PLCXD3: variants seen among roughly 807,000 people sequenced by gnomAD.
The protein encoded by PLCXD3 is phosphatidylinositol specific phospholipase C X domain containing 3.
Under a neutral mutation model 25.5 loss-of-function variants are expected in PLCXD3, and 19 were observed. The ratio of observed to expected loss-of-function variants is 0.75; its 90% CI spans 0.52 to 1.09. The LOEUF (loss-of-function observed/expected upper bound fraction) is 1.09. Ranked by LOEUF, PLCXD3 falls within the 50% of genes least tolerant of loss-of-function variation. PLCXD3 has a pLI of 0.00. For synonymous variants in PLCXD3, 174 were observed against 137.6 expected, an observed-to-expected ratio of 1.26 and a Z score of -1.85; for missense variants, 411 against 388.1, an observed-to-expected ratio of 1.06 and a Z score of -0.50.
intron 1 of PLCXD3, among the ~76,000 whole-genome samples, chr5:41,482,194 G>A (rs564035501): frequency 6.6e-6 from 1 of 152,134 alleles, no homozygotes; most frequent in East Asian, 1.9e-4. Context: ...CCTAACATTA[G>A]AATGGAAATG....
Position 41,311,595 on chromosome 5 carries a change from T to C in PLCXD3, c.*2022A>G, listed in dbSNP as rs1743137540. 1.3e-5 allele frequency: 2 copies of C among 152,278 alleles called. No homozygotes were observed. Among genetic ancestry groups the C allele is most frequent in the South Asian group, 4.1e-4 (2 of 4,830 alleles). The allele number at this position is 152,278 out of a possible 1,614,324, so 9.4% of individuals were successfully genotyped here. Reference sequence around the variant, plus strand: ...CAGGAATGGGCATATGTTTGTATATTGTATATGGCAAGATGTATACACACA... The same window carrying C: ...CAGGAATGGGCATATGTTTGTATATCGTATATGGCAAGATGTATACACACA... On this transcript the variant is annotated 3_prime_UTR_variant, in exon 3 of 3. Transcript: ENST00000377801.
At chr5:41,430,015 A>C (rs771763075) in intron 1 of PLCXD3, among the ~76,000 whole-genome samples, 14 of 152,194 alleles carry the variant, frequency 9.2e-5, no homozygotes, top group Non-Finnish European at 1.3e-4. Context: ...CAAGTTACCA[A>C]GGCATCTCCC....
rs544060482 is a variant in PLCXD3, at chr5:41,495,067, G to T, written c.103+15357C>A. 2.6e-5 allele frequency among the ~76,000 whole-genome samples: 4 copies of T among 152,366 alleles called. No homozygotes were observed. In the South Asian group the frequency reaches 8.3e-4, roughly 32 times the overall value. On this transcript the variant is annotated intron_variant, in intron 1 of 2. Coordinates refer to ENST00000377801, the MANE Select transcript of PLCXD3 (RefSeq NM_001005473.3). Reference sequence around the variant, plus strand: ...CCTCTATGATAAATCCTGCACTCCAGATGAGCAAGAAATGTGCCACATCAA... The same window carrying T: ...CCTCTATGATAAATCCTGCACTCCATATGAGCAAGAAATGTGCCACATCAA...
intron 2 of PLCXD3, among the ~76,000 whole-genome samples, chr5:41,362,488 TAAG>T (rs1030019886): frequency 6.6e-6 from 1 of 152,164 alleles, no homozygotes; most frequent in African/African-American, 2.4e-5. Context: ...AGGACTGAAA[TAAG>T]AACATAAATA....
At chr5:41,354,033 T>A (rs576156088) in intron 2 of PLCXD3, among the ~76,000 whole-genome samples, 1,600 of 152,326 alleles carry the variant, frequency 0.011, 42 homozygotes, top group African/African-American at 0.036. Context: ...GACTTTTTTC[T>A]ATTTTCTTCC....
At chr5:41,384,371 G>C (rs1313660937) in intron 1 of PLCXD3, among the ~76,000 whole-genome samples, 2 of 152,026 alleles carry the variant, frequency 1.3e-5, no homozygotes, top group African/African-American at 4.8e-5. Context: ...TGTGTCTACA[G>C]ATAGAAATGA....
intron 1 of PLCXD3, among the ~76,000 whole-genome samples, chr5:41,477,361 G>T (rs1748303836): frequency 6.6e-6 from 1 of 152,080 alleles, no homozygotes; most frequent in South Asian, 2.1e-4. Context: ...TGGTACAAAA[G>T]AAAGTAATCA....
intron 1 of PLCXD3, among the ~76,000 whole-genome samples, chr5:41,497,122 C>T (rs889954384): frequency 6.8e-6 from 1 of 147,450 alleles, no homozygotes; most frequent in Non-Finnish European, 1.5e-5. Flanking sequence ...ATCAATAAAC[C>T]CAAATAAAGA....
At position 41,417,268 on chromosome 5, in the gene PLCXD3, G is replaced by T. The variant is rs10044440; in HGVS notation, c.104-34734C>A. ...ACTTTGGCTACTATCCTGGAGGAAG[G>T]TTCCATTGCTGAAGTCTACATTACA... On this transcript the variant is annotated intron_variant, in intron 1 of 2. Coordinates refer to ENST00000377801, the MANE Select transcript of PLCXD3 (RefSeq NM_001005473.3). Among the ~76,000 whole-genome samples, 475 of 151,980 alleles carry T rather than the reference G, an allele frequency of 3.1e-3. 2 individuals carry two copies. The highest frequency in any genetic ancestry group is 8.8e-3 in the African/African-American group (365 of 41,408).
At chr5:41,314,890 G>C (rs1207442066) in intron 2 of PLCXD3, among the ~76,000 whole-genome samples, 14 of 152,168 alleles carry the variant, frequency 9.2e-5, no homozygotes, top group Non-Finnish European at 2.1e-4. Flanking sequence ...TGAGATCATA[G>C]TGGAGAGTCA....
intron 2 of PLCXD3, among the ~76,000 whole-genome samples, chr5:41,362,528 A>G (rs1298314986): frequency 6.6e-6 from 1 of 152,242 alleles, no homozygotes; most frequent in Non-Finnish European, 1.5e-5. Context: ...CATGCAAAAA[A>G]TATTAGTTCT....
Position 41,312,216 on chromosome 5 carries a change from T to A in PLCXD3, c.*1401A>T, listed in dbSNP as rs1580290275. On this transcript the variant is annotated 3_prime_UTR_variant, in exon 3 of 3. Transcript: ENST00000377801. The stretch of plus-strand genomic sequence containing the variant: ...CTATTAAACGTTAGGTTGCAGAAAC[T>A]TTGTGTGAAACTTTTGCCTCTGCCT... 2 of 152,676 alleles carry A rather than the reference T, an allele frequency of 1.3e-5. No individual in the cohort carries two copies. The highest frequency in any genetic ancestry group is 3.9e-4 in the East Asian group (2 of 5,164). The allele number at this position is 152,676 out of a possible 1,614,324, so 9.5% of individuals were successfully genotyped here. A position where few individuals can be genotyped will look rare whatever the true frequency, so the allele number is the denominator to read the frequency against.
rs150521814 is a variant in PLCXD3 at position 41,499,219 on chromosome 5, C to A, written c.103+11205G>T. On this transcript the variant is annotated intron_variant, in intron 1 of 2. Transcript: ENST00000377801. Reference sequence around the variant, plus strand: ...ATAGAAAAGGAAGTAGCAAAATTATCTCTGTAGATAACATTTTATATGTAA... The same window carrying A: ...ATAGAAAAGGAAGTAGCAAAATTATATCTGTAGATAACATTTTATATGTAA... Among the ~76,000 whole-genome samples, 889 of 151,472 alleles carry A rather than the reference C, an allele frequency of 5.9e-3. 10 individuals carry two copies. The highest frequency in any genetic ancestry group is 0.02 in the African/African-American group (836 of 41,448).
chr5:41,504,347 G>A (rs972179862), intron 1 of PLCXD3, among the ~76,000 whole-genome samples: 6 of 152,132 alleles, frequency 3.9e-5, no homozygotes, highest in African/African-American at 1.4e-4. Context: ...CAGAGTATAG[G>A]ATAAAATTTG....
chr5:41,408,193 T>C (rs1256448541), intron 1 of PLCXD3, among the ~76,000 whole-genome samples: 1 of 152,184 alleles, frequency 6.6e-6, no homozygotes, highest in African/African-American at 2.4e-5. Context: ...TTTTTAAAGA[T>C]TATCAGCAGG....
At position 41,382,413 on chromosome 5, in the gene PLCXD3, T is replaced by C; in HGVS notation, c.225A>G (p.Lys75=). 1 of 1,613,498 alleles carries C rather than the reference T, an allele frequency of 6.2e-7. No homozygotes were observed. The highest frequency in any genetic ancestry group is 8.5e-7 in the Non-Finnish European group (1 of 1,179,704). Residue 75 remains lysine (K), a synonymous_variant, in exon 2 of 3, where the codon AAA becomes AAG. Coordinates refer to ENST00000377801, the MANE Select transcript of PLCXD3 (RefSeq NM_001005473.3). Reference sequence around the variant, plus strand: ...AATTCATTGTCTGAGTGGCTAACCATTTCCGCATGAGCTTTTTGGCCACAG... The same window carrying C: ...AATTCATTGTCTGAGTGGCTAACCACTTCCGCATGAGCTTTTTGGCCACAG... ...FGTVAKKLMR[K]WLATQTMNFT...
chr5:41,344,560 CATTT>C (rs1744248937), intron 2 of PLCXD3, among the ~76,000 whole-genome samples: 1 of 151,936 alleles, frequency 6.6e-6, no homozygotes, highest in South Asian at 2.1e-4. Flanking sequence ...AATTTTAATT[CATTT>C]GTTTGCCTAG....
chr5:41,376,329 T>C (rs1745295688), intron 2 of PLCXD3, among the ~76,000 whole-genome samples: 1 of 152,080 alleles, frequency 6.6e-6, no homozygotes, highest in Non-Finnish European at 1.5e-5. Flanking sequence ...CCACTCTGTT[T>C]CCCCCTTTAA....
Position 41,328,502 on chromosome 5 carries a change from G to A in PLCXD3, c.813-14732C>T, listed in dbSNP as rs565053525. Among the ~76,000 whole-genome samples the A allele has an allele frequency of 3.9e-5, 6 of 152,246 alleles. No individual in the cohort carries two copies. In the East Asian group the frequency reaches 1.2e-3, roughly 29 times the overall value. ...ATTCTTGGAATGGCTTTGTTTCCTG[G>A]GCACGTAATTGTGGCACATGTCCGA... On this transcript the variant is annotated intron_variant, in intron 2 of 2. Coordinates refer to ENST00000377801, the MANE Select transcript of PLCXD3 (RefSeq NM_001005473.3).
Sources: allele counts gnomAD v4.1 joint callset (sites outside exome capture counted in the v4.1 genomes callset), GRCh38; gene constraint gnomAD v4.1.1; transcripts MANE v1.5; gene names NCBI Gene and HGNC (gene_info 2026-07-23, HGNC 2026-07-21).